The following FGF14 variants were observed in gnomAD, a reference collection of about 807,000 sequenced individuals.
FGF14 encodes fibroblast growth factor 14, also known as fibroblast growth factor homologous factor 4.
FGF14 carries 5 observed loss-of-function variants against 25.5 expected under a neutral mutation model. That is an observed-to-expected ratio of 0.20 (90% CI 0.10 to 0.41). The LOEUF (loss-of-function observed/expected upper bound fraction) is 0.41, where lower values mean the gene tolerates loss of function less well. FGF14 is among the 10% of genes least tolerant of loss of function. The probability of loss-of-function intolerance (pLI) is 1.00; values close to 1 mark genes in which losing one functional copy is unlikely to be tolerated. For missense variants in FGF14, 222 were observed against 320.1 expected, an observed-to-expected ratio of 0.69 and a Z score of 2.34; for synonymous variants, 138 against 118.3, an observed-to-expected ratio of 1.17 and a Z score of -1.08.
chr13:101,880,035 C>A (rs2045613196), intron 1 of FGF14, among the ~76,000 whole-genome samples: 1 of 152,090 alleles, frequency 6.6e-6, no homozygotes, highest in Non-Finnish European at 1.5e-5. Flanking sequence ...CTTTGTTTAT[C>A]CCTTAAGATT....
chr13:101,773,916 A>G (rs2038936890), intron 3 of FGF14, among the ~76,000 whole-genome samples: 1 of 149,658 alleles, frequency 6.7e-6, no homozygotes, highest in African/African-American at 2.5e-5. Flanking sequence ...ATTATCTCCT[A>G]TATCCTAGGA....
At chr13:102,279,485 T>C (rs1016402052) in intron 1 of FGF14, among the ~76,000 whole-genome samples, 6 of 152,208 alleles carry the variant, frequency 3.9e-5, no homozygotes, top group South Asian at 2.1e-4. Context: ...AAATTTGAGT[T>C]ATATATTATG....
chr13:102,021,125 G>C (rs1465173372), intron 1 of FGF14, among the ~76,000 whole-genome samples: 1 of 151,932 alleles, frequency 6.6e-6, no homozygotes, highest in Non-Finnish European at 1.5e-5. Flanking sequence ...GGGCGCCAAA[G>C]AACAGAAGGC....
intron 1 of FGF14, among the ~76,000 whole-genome samples, chr13:101,950,226 A>T (rs1398311340): frequency 6.6e-6 from 1 of 152,208 alleles, no homozygotes; most frequent in Non-Finnish European, 1.5e-5. Flanking sequence ...CAAGTTACAC[A>T]AAGAATGAAA....
In FGF14 at chr13:101,747,501, A is replaced by G. The variant is rs531057518; in HGVS notation, c.409-20691T>C. Among the ~76,000 whole-genome samples, 30 of 152,168 alleles carry G rather than the reference A, an allele frequency of 2.0e-4. 1 individual carries two copies. In the South Asian group the frequency reaches 6.2e-3, roughly 31 times the overall value. ...TGACTCTCCTTCTAATTGTTAAGGG[A>G]TGAGACAAGACTGCAGGTAGACTAG... On this transcript the variant is annotated intron_variant, in intron 3 of 4. Transcript: ENST00000376143.
At chr13:101,726,249 C>A (rs1472743095) in intron 4 of FGF14, among the ~76,000 whole-genome samples, 2 of 151,900 alleles carry the variant, frequency 1.3e-5, no homozygotes, top group Non-Finnish European at 2.9e-5. Flanking sequence ...TACTTATTAT[C>A]TTTTTCTAAT....
rs9518634 is a variant in FGF14, at chr13:102,105,971, T to C, written c.209-230675A>G. Among the ~76,000 whole-genome samples the C allele has an allele frequency of 8.9e-3, 1,360 of 152,282 alleles. 17 individuals are homozygous for C. The highest frequency in any genetic ancestry group is 0.016 in the Non-Finnish European group (1,067 of 68,012). ...ATACTTAATAAATATTTATGAAAGA[T>C]GGTGGTGGATTACAGACTGTAATAA... On this transcript the variant is annotated intron_variant, in intron 1 of 4. Transcript: ENST00000376131.
At chr13:102,064,968 A>C (rs1006701140) in intron 1 of FGF14, among the ~76,000 whole-genome samples, 1 of 152,050 alleles carries the variant, frequency 6.6e-6, no homozygotes, top group African/African-American at 2.4e-5. Flanking sequence ...TCCTAAAAAG[A>C]AAATTGAATG....
chr13:102,310,708 GGT>G lies in FGF14; in HGVS notation c.208+90761_208+90762del, dbSNP rs1555399373. ...CTCTGTGTGTGTGTGGGGGGGGGGG[GGT>G]GGGGGTTGTTTAACTGCTAGAAAAC... On this transcript the variant is annotated intron_variant, in intron 1 of 4. Coordinates refer to the FGF14 transcript ENST00000376131. Among the ~76,000 whole-genome samples the G allele has an allele frequency of 3.2e-3, 110 of 34,398 alleles. 6 individuals carry two copies. Among genetic ancestry groups the G allele is most frequent in the Non-Finnish European group, 4.2e-3 (68 of 16,336 alleles). 22.6% of individuals were successfully genotyped at this position (34,398 alleles called of 152,430 possible).
chr13:101,791,911 G>A (rs1450638158), intron 3 of FGF14, among the ~76,000 whole-genome samples: 1 of 152,016 alleles, frequency 6.6e-6, no homozygotes, highest in African/African-American at 2.4e-5. Context: ...TTTATATATT[G>A]GCATTAGACC....
intron 1 of FGF14, among the ~76,000 whole-genome samples, chr13:102,176,933 T>C (rs935227262): frequency 2.0e-5 from 3 of 152,198 alleles, no homozygotes; most frequent in Non-Finnish European, 2.9e-5. Context: ...AGTATACTAG[T>C]TGTCCCTCAT....
At chr13:101,992,311 C>A (rs1038986309) in intron 1 of FGF14, among the ~76,000 whole-genome samples, 1 of 152,046 alleles carries the variant, frequency 6.6e-6, no homozygotes, top group Non-Finnish European at 1.5e-5. Flanking sequence ...CTAGAGGAAA[C>A]AGTAAACACA....
At chr13:101,824,854 A>G (rs2042325441) in intron 3 of FGF14, among the ~76,000 whole-genome samples, 1 of 152,180 alleles carries the variant, frequency 6.6e-6, no homozygotes, top group African/African-American at 2.4e-5. Context: ...TGAAGCCTCC[A>G]TGAAAACTTA....
chr13:101,805,750 A>C (rs1026915788), intron 3 of FGF14, among the ~76,000 whole-genome samples: 10 of 152,288 alleles, frequency 6.6e-5, no homozygotes, highest in African/African-American at 2.4e-4. Context: ...TCCCACAAGC[A>C]GGTTAACTTC....
intron 1 of FGF14, among the ~76,000 whole-genome samples, chr13:102,329,335 T>C (rs2056563350): frequency 6.6e-6 from 1 of 152,256 alleles, no homozygotes; most frequent in East Asian, 1.9e-4. Flanking sequence ...TTTTTCCACA[T>C]GACCCCAACA....
rs2139650770 is a variant in FGF14, at chr13:101,721,673, C to CTAACG, written c.*1153_*1157dup. 6.6e-6 allele frequency: 1 copy of CTAACG among 152,196 alleles called. No homozygotes were observed. Among genetic ancestry groups the CTAACG allele is most frequent in the African/African-American group, 2.4e-5 (1 of 41,536 alleles). The allele number at this position is 152,196 out of a possible 1,614,324, so 9.4% of individuals were successfully genotyped here. A position where few individuals can be genotyped will look rare whatever the true frequency, so the allele number is the denominator to read the frequency against. On this transcript the variant is annotated 3_prime_UTR_variant, in exon 5 of 5. Transcript: ENST00000376143. The stretch of plus-strand genomic sequence containing the variant: ...ATATTAAAGTCTAATTAATTTATAA[C>CTAACG]TAACGTTTGCATTGCTGCTGCAGGA...
chr13:101,809,765 T>C (rs2140174006), intron 3 of FGF14, among the ~76,000 whole-genome samples: 1 of 152,228 alleles, frequency 6.6e-6, no homozygotes, highest in South Asian at 2.1e-4. Flanking sequence ...TCTAAATGGG[T>C]TATGGGGTTG....
chr13:102,400,106 C>A lies in FGF14; in HGVS notation c.208+1365G>T, dbSNP rs2058668950. ...TCGCGCTGCACCCGCAGGCGGCAGA[C>A]CCCTCGGAGCGCGCCACCCCAGCTA... On this transcript the variant is annotated intron_variant, in intron 1 of 4. Coordinates refer to the FGF14 transcript ENST00000376131. The surrounding 1 kb of genome is among the most constrained non-coding windows in gnomAD (Gnocchi z 4.3). Among the ~76,000 whole-genome samples the A allele has an allele frequency of 4.6e-5, 7 of 151,952 alleles. No homozygotes were observed. The highest frequency in any genetic ancestry group is 4.6e-4 in the Admixed American group (7 of 15,278).
At chr13:101,792,390 T>C (rs139307743) in intron 3 of FGF14, among the ~76,000 whole-genome samples, 2 of 152,268 alleles carry the variant, frequency 1.3e-5, no homozygotes, top group African/African-American at 4.8e-5. Context: ...GGTTGACAAC[T>C]GATGCACAGG....
Sources: gnomAD v4.1 joint callset for allele counts (sites outside exome capture counted in the v4.1 genomes callset) on GRCh38, gnomAD v4.1.1 for gene constraint, Gnocchi (gnomAD v3.1) non-coding constraint, MANE v1.5 for transcripts, NCBI Gene and HGNC (gene_info 2026-07-23, HGNC 2026-07-21) for gene names.